The following DNAAF9 variants were observed in gnomAD, a reference collection of about 807,000 sequenced individuals.
DNAAF9 encodes dynein axonemal assembly factor 9, also known as shulin.
Under a neutral mutation model 167.0 loss-of-function variants are expected in DNAAF9, and 90 were observed. The ratio of observed to expected loss-of-function variants is 0.54; its 90% CI spans 0.45 to 0.64. DNAAF9 has a LOEUF of 0.64. Ranked by LOEUF, DNAAF9 falls within the 30% of genes least tolerant of loss-of-function variation. DNAAF9 has a pLI of 0.00. For synonymous variants in DNAAF9, 491 were observed against 508.8 expected, an observed-to-expected ratio of 0.96 and a Z score of 0.47; for missense variants, 1,315 against 1,442.2, an observed-to-expected ratio of 0.91 and a Z score of 1.43.
At chr20:3,316,689 G>A (rs373576437) in intron 18 of DNAAF9, 34 bp downstream of exon 18, 50 of 1,506,298 alleles carry the variant, frequency 3.3e-5, no homozygotes, top group Middle Eastern at 1.7e-4. Context: ...TTCTCCACAC[G>A]TAGGTCCACT....
At chr20:3,353,704 G>C (rs1046248078) in intron 7 of DNAAF9, among the ~76,000 whole-genome samples, 1 of 137,700 alleles carries the variant, frequency 7.3e-6, no homozygotes, top group African/African-American at 2.7e-5. Flanking sequence ...ATTAGAAACA[G>C]ACTCAGGAGG....
At chr20:3,319,495 C>G (rs1207754551) in intron 16 of DNAAF9, among the ~76,000 whole-genome samples, 2 of 152,126 alleles carry the variant, frequency 1.3e-5, no homozygotes, top group Non-Finnish European at 1.5e-5. Context: ...GAGCTAGAGT[C>G]TGTGATGACC....
At chr20:3,307,157 C>T in intron 20 of DNAAF9, 1 of 984,570 alleles carries the variant, frequency 1.0e-6, no homozygotes, top group South Asian at 4.7e-5. Context: ...GAGGTCATCT[C>T]CAGCATTTCC....
chr20:3,388,240 A>C (rs1385230979), intron 1 of DNAAF9, among the ~76,000 whole-genome samples: 4 of 152,308 alleles, frequency 2.6e-5, no homozygotes, highest in Admixed American at 6.5e-5. Flanking sequence ...TCAAAAAACT[A>C]GAAAATAACA....
chr20:3,363,892 T>C (rs1233837863), intron 6 of DNAAF9, among the ~76,000 whole-genome samples: 5 of 152,214 alleles, frequency 3.3e-5, no homozygotes, highest in Non-Finnish European at 7.3e-5. Context: ...TAAAAAATTC[T>C]CAATTATTGC....
intron 20 of DNAAF9, among the ~76,000 whole-genome samples, chr20:3,307,559 T>C (rs1568594593): frequency 3.3e-5 from 5 of 152,026 alleles, no homozygotes. Context: ...AGCCAACTCC[T>C]GAGGAGATCT....
chr20:3,274,645 G>A (rs2068648648), intron 29 of DNAAF9, among the ~76,000 whole-genome samples: 1 of 152,094 alleles, frequency 6.6e-6, no homozygotes, highest in Admixed American at 6.6e-5. Flanking sequence ...ATCACTCTAG[G>A]TTATCAATAA....
chr20:3,354,864 T>C (rs1035472720), intron 7 of DNAAF9, among the ~76,000 whole-genome samples: 9 of 152,190 alleles, frequency 5.9e-5, no homozygotes, highest in African/African-American at 1.7e-4. Context: ...ATCAAGCTCA[T>C]AGAAGTCAGA....
At chr20:3,327,665 G>T (rs1357041082) in intron 12 of DNAAF9, among the ~76,000 whole-genome samples, 2 of 152,208 alleles carry the variant, frequency 1.3e-5, no homozygotes, top group African/African-American at 4.8e-5. Flanking sequence ...TCTTATAGAA[G>T]AAGCAATAAG....
At chr20:3,326,471 C>A (rs2069712689) in intron 12 of DNAAF9, among the ~76,000 whole-genome samples, 187 bp from the exon 13 acceptor site, 1 of 152,176 alleles carries the variant, frequency 6.6e-6, no homozygotes. Context: ...GTGGCTCAGG[C>A]TTGTAATCCC....
intron 16 of DNAAF9, among the ~76,000 whole-genome samples, chr20:3,320,326 G>C (rs1019202664): frequency 1.3e-5 from 2 of 152,178 alleles, no homozygotes; most frequent in African/African-American, 4.8e-5. Context: ...GAAATCAACA[G>C]GGAAGGCTTT....
At chr20:3,384,646 T>A (rs1287657202) in intron 1 of DNAAF9, among the ~76,000 whole-genome samples, 1 of 151,800 alleles carries the variant, frequency 6.6e-6, no homozygotes, top group Non-Finnish European at 1.5e-5. Context: ...GTAGCTGGGA[T>A]TACAGGCATG....
chr20:3,302,016 C>T (rs1018856593), intron 21 of DNAAF9, among the ~76,000 whole-genome samples: 1 of 152,190 alleles, frequency 6.6e-6, no homozygotes, highest in Admixed American at 6.5e-5. Flanking sequence ...GATCTTGGCT[C>T]ACTGCAACCT....
At chr20:3,364,215 A>G (rs2083401044) in intron 6 of DNAAF9, among the ~76,000 whole-genome samples, 1 of 152,136 alleles carries the variant, frequency 6.6e-6, no homozygotes, top group Non-Finnish European at 1.5e-5. Context: ...ATTTCTGTCA[A>G]TTCTAGGCCA....
intron 30 of DNAAF9, among the ~76,000 whole-genome samples, chr20:3,267,968 A>AT (rs1264909105): frequency 6.6e-6 from 1 of 152,054 alleles, no homozygotes; most frequent in Non-Finnish European, 1.5e-5. Context: ...AGTTACTTGA[A>AT]TTAAATACTT....
intron 6 of DNAAF9, among the ~76,000 whole-genome samples, chr20:3,363,531 C>G (rs2083392114): frequency 8.3e-6 from 1 of 120,552 alleles, no homozygotes; most frequent in South Asian, 2.7e-4. Context: ...AAAGCAAACT[C>G]TTTTTTTTTT....
chr20:3,288,341 T>C (rs1414894662), intron 26 of DNAAF9, among the ~76,000 whole-genome samples: 1 of 152,158 alleles, frequency 6.6e-6, no homozygotes, highest in African/African-American at 2.4e-5. Context: ...TCCCAGCTAC[T>C]TGGGGGGCTG....
At chr20:3,336,330 C>T (rs1361261123) in intron 10 of DNAAF9, among the ~76,000 whole-genome samples, 5 of 126,360 alleles carry the variant, frequency 4.0e-5, no homozygotes, top group African/African-American at 6.0e-5. Flanking sequence ...GTCTCATCTT[C>T]GTTCTCCTCT....
rs546016568 is a variant in DNAAF9, at chr20:3,392,883, T to A, written c.84-10377A>T. ...TGTCTTGAATGTTTTACAAAGTGAA[T>A]CCTCATATACCAATCTGATTCATCT... is the stretch of plus-strand genomic sequence containing the variant. On this transcript the variant is annotated intron_variant, in intron 1 of 36. Transcript: ENST00000252032. Among the ~76,000 whole-genome samples the A allele has an allele frequency of 2.6e-5, 4 of 152,330 alleles. No homozygotes were observed. In the East Asian group the frequency reaches 5.8e-4, roughly 22 times the overall value.
Sources: allele counts gnomAD v4.1 joint callset (sites outside exome capture counted in the v4.1 genomes callset), GRCh38; gene constraint gnomAD v4.1.1; transcripts MANE v1.5; gene names NCBI Gene and HGNC (gene_info 2026-07-23, HGNC 2026-07-21).